The following MOB1A variants were observed in gnomAD, a reference collection of about 807,000 sequenced individuals.
MOB1A encodes MOB1 Mps One Binder homolog A.
In MOB1A, 10 loss-of-function variants were observed where a neutral mutation model predicts 25.1. That is an observed-to-expected ratio of 0.40 (90% confidence interval 0.25 to 0.68). The LOEUF is 0.68. Ranked by LOEUF, MOB1A falls within the 30% of genes least tolerant of loss-of-function variation. MOB1A has a pLI of 0.40. For missense variants in MOB1A, 177 were observed against 256.3 expected, an observed-to-expected ratio of 0.69 and a Z score of 2.11; for synonymous variants, 81 against 79.5, an observed-to-expected ratio of 1.02 and a Z score of -0.10.
chr2:74,172,461 C>T (rs1693319715), intron 2 of MOB1A, 125 bp downstream of exon 2: 2 of 920,728 alleles, frequency 2.2e-6, no homozygotes, highest in Admixed American at 5.5e-5. Flanking sequence ...TGTATTTGTA[C>T]TTAATGTTTC....
Position 74,153,673 on chromosome 2 carries a change from G to A in MOB1A, c.*2895C>T, listed in dbSNP as rs1287351407. ...CTGTACAAGTGTTTTTTGAAGGCCT[G>A]AAAATTAAAGCACCATAGGATTAAC... is the stretch of plus-strand genomic sequence containing the variant. On this transcript the variant is annotated 3_prime_UTR_variant, in exon 6 of 6. Coordinates refer to ENST00000396049, the MANE Select transcript of MOB1A (RefSeq NM_018221.5). 2 of 152,156 alleles carry A rather than the reference G, an allele frequency of 1.3e-5. No homozygotes were observed. The highest frequency in any genetic ancestry group is 2.9e-5 in the Non-Finnish European group (2 of 68,022). 9.4% of individuals were successfully genotyped at this position (152,156 alleles called of 1,614,324 possible).
At chr2:74,174,315 G>A (rs1189891009) in intron 1 of MOB1A, among the ~76,000 whole-genome samples, 2 of 151,708 alleles carry the variant, frequency 1.3e-5, no homozygotes, top group Non-Finnish European at 2.9e-5. Flanking sequence ...AAATGGTGGA[G>A]CCAAGTGCAG....
At position 74,172,749 on chromosome 2, in the gene MOB1A, G is replaced by A. The variant is rs776764736; in HGVS notation, c.18C>T (p.Ser6=). The A allele has an allele frequency of 1.2e-6, 2 of 1,612,458 alleles. No homozygotes were observed. Among genetic ancestry groups the A allele is most frequent in the Non-Finnish European group, 1.7e-6 (2 of 1,179,140 alleles). The change falls in exon 2 of 6, where the codon AGC becomes AGT. Residue 6 remains serine (S), a synonymous_variant. Coordinates refer to ENST00000396049, the MANE Select transcript of MOB1A (RefSeq NM_018221.5). The part of the protein sequence containing the change: MSFLF[S]SRSSKTFKPK... ...GTTTGAATGTTTTAGAAGAGCGGCT[G>A]CTGCTGTAAGATTAAAAGTGCAAGT... is the stretch of plus-strand genomic sequence containing the variant.
chr2:74,161,433 G>A (rs1353433431), intron 4 of MOB1A, among the ~76,000 whole-genome samples: 1 of 151,404 alleles, frequency 6.6e-6, no homozygotes, highest in African/African-American at 2.4e-5. Context: ...CATGAGGTCA[G>A]GAGATCGAGA....
At chr2:74,158,414 T>C (rs928640830) in intron 5 of MOB1A, among the ~76,000 whole-genome samples, 7 of 152,178 alleles carry the variant, frequency 4.6e-5, no homozygotes, top group African/African-American at 1.7e-4. Context: ...ATGCAAAATA[T>C]AAGTATCTCT....
In MOB1A at chr2:74,155,318, C is replaced by T. The variant is rs1375975105; in HGVS notation, c.*1250G>A. 1 of 152,574 alleles carries T rather than the reference C, an allele frequency of 6.6e-6. No homozygotes were observed. Among genetic ancestry groups the T allele is most frequent in the Admixed American group, 6.5e-5 (1 of 15,274 alleles). The allele number at this position is 152,574 out of a possible 1,614,324, so 9.5% of individuals were successfully genotyped here. ...AATAGAGGAATTTCAAGTTTTGATACAAAAACAATTAAAACAAGATAAAAC... is the reference window on the plus strand; with the variant it reads ...AATAGAGGAATTTCAAGTTTTGATATAAAAACAATTAAAACAAGATAAAAC... On this transcript the variant is annotated 3_prime_UTR_variant, in exon 6 of 6. Coordinates refer to ENST00000396049, the MANE Select transcript of MOB1A (RefSeq NM_018221.5).
chr2:74,167,170 T>C, intron 2 of MOB1A, 63 bp from the exon 3 acceptor site: 1 of 1,289,126 alleles, frequency 7.8e-7, no homozygotes, highest in African/African-American at 1.5e-5. Flanking sequence ...GACCTCCAGT[T>C]GAAGGAAAAA....
intron 1 of MOB1A, among the ~76,000 whole-genome samples, chr2:74,173,747 G>A (rs561923219): frequency 1.3e-5 from 2 of 148,994 alleles, no homozygotes; most frequent in African/African-American, 2.5e-5. Context: ...TCAGGAGATC[G>A]AGACCATCCT....
intron 4 of MOB1A, among the ~76,000 whole-genome samples, chr2:74,162,357 C>A (rs1299525483): frequency 6.6e-6 from 1 of 152,072 alleles, no homozygotes; most frequent in Non-Finnish European, 1.5e-5. Flanking sequence ...TGGTGGGCGC[C>A]TGTAGTCCCA....
At chr2:74,161,742 G>T (rs1168969551) in intron 4 of MOB1A, among the ~76,000 whole-genome samples, 1 of 151,900 alleles carries the variant, frequency 6.6e-6, no homozygotes, top group Non-Finnish European at 1.5e-5. Context: ...GGTTGCTTGG[G>T]CCTAGAAGTT....
chr2:74,172,800 G>A (rs998560487), intron 1 of MOB1A, 48 bp from the exon 2 acceptor site: 1 of 1,535,278 alleles, frequency 6.5e-7, no homozygotes, highest in Admixed American at 1.9e-5. Flanking sequence ...ACTGGAAGTA[G>A]AACAGGTAGA....
rs1411327638 is a variant in MOB1A at position 74,154,860 on chromosome 2, A to G, written c.*1708T>C. ...TAGAGGGCTTTTCTCTCTTTTTTTT[A>G]ATAATGACTGTCCCACACTTTAATT... On this transcript the variant is annotated 3_prime_UTR_variant, in exon 6 of 6. Transcript: ENST00000396049. 2.6e-5 allele frequency: 4 copies of G among 152,192 alleles called. No homozygotes were observed. In the South Asian group the frequency reaches 6.2e-4, roughly 24 times the overall value. The allele number at this position is 152,192 out of a possible 1,614,324, so 9.4% of individuals were successfully genotyped here. A position where few individuals can be genotyped will look rare whatever the true frequency, so the allele number is the denominator to read the frequency against.
At chr2:74,161,950 C>T (rs575841971) in intron 4 of MOB1A, among the ~76,000 whole-genome samples, 1 of 151,690 alleles carries the variant, frequency 6.6e-6, no homozygotes, top group Non-Finnish European at 1.5e-5. Flanking sequence ...GAGTGAGAGT[C>T]TGTCTCAAAA....
intron 3 of MOB1A, among the ~76,000 whole-genome samples, chr2:74,166,139 G>C (rs372467512): frequency 6.6e-6 from 1 of 151,774 alleles, no homozygotes; most frequent in Non-Finnish European, 1.5e-5. Flanking sequence ...AGGAAACACA[G>C]CAAACATTAA....
chr2:74,177,895 T>C (rs1693520976), intron 1 of MOB1A: 1 of 152,180 alleles, frequency 6.6e-6, no homozygotes, highest in Admixed American at 6.5e-5. Context: ...GCTTTTTCAT[T>C]TTAGCCTTGT....
intron 4 of MOB1A, among the ~76,000 whole-genome samples, chr2:74,163,825 A>G (rs1693048943): frequency 6.6e-6 from 1 of 152,182 alleles, no homozygotes; most frequent in South Asian, 2.1e-4. Flanking sequence ...TAAATGAACA[A>G]TATCTTGTTC....
At chr2:74,169,691 C>T (rs537478126) in intron 2 of MOB1A, among the ~76,000 whole-genome samples, 4 of 151,778 alleles carry the variant, frequency 2.6e-5, no homozygotes, top group South Asian at 2.1e-4. Flanking sequence ...TGCAGTGGTG[C>T]GATCTTGGCT....
Position 74,178,736 on chromosome 2 carries a change from T to A in MOB1A, c.-62A>T. On this transcript the variant is annotated 5_prime_UTR_variant, in exon 1 of 6. Coordinates refer to ENST00000396049, the MANE Select transcript of MOB1A (RefSeq NM_018221.5). ...CCCCGCCTGGATCAGGATTCGGAGC[T>A]GGCTAGAGGGAGCGGACCGTCCTTA... is the stretch of plus-strand genomic sequence containing the variant. 1 of 810,460 alleles carries A rather than the reference T, an allele frequency of 1.2e-6. No homozygotes were observed. The highest frequency in any genetic ancestry group is 1.6e-6 in the Non-Finnish European group (1 of 624,688). 50.2% of individuals were successfully genotyped at this position (810,460 alleles called of 1,614,324 possible). A position where few individuals can be genotyped will look rare whatever the true frequency, so the allele number is the denominator to read the frequency against.
chr2:74,163,288 C>T (rs1475187217), intron 4 of MOB1A, among the ~76,000 whole-genome samples: 1 of 152,084 alleles, frequency 6.6e-6, no homozygotes, highest in Non-Finnish European at 1.5e-5. Flanking sequence ...TCAAGAGAAC[C>T]AACCAAAAAC....
Sources: allele counts gnomAD v4.1 joint callset (sites outside exome capture counted in the v4.1 genomes callset), GRCh38; gene constraint gnomAD v4.1.1; transcripts MANE v1.5; gene names NCBI Gene and HGNC (gene_info 2026-07-23, HGNC 2026-07-21).